KANSL3: variants seen among roughly 807,000 people sequenced by gnomAD.
KANSL3 encodes the protein NSL complex protein NSL3.
In KANSL3, 16 loss-of-function variants were observed where a neutral mutation model predicts 89.2. The observed-to-expected ratio is 0.18, with a 90% CI of 0.12 to 0.27. The LOEUF is 0.27. Among genes scored for constraint, KANSL3 ranks in the 10% least tolerant of loss-of-function variants. The probability of loss-of-function intolerance (pLI) is 1.00; values close to 1 mark genes in which losing one functional copy is unlikely to be tolerated. For synonymous variants in KANSL3, 385 were observed against 419.7 expected (o/e 0.92, Z 1.01); for missense variants, 879 against 1,110.6 (o/e 0.79, Z 2.96).
intron 3 of KANSL3, among the ~76,000 whole-genome samples, chr2:96,622,934 T>C (rs1015968274): frequency 6.6e-6 from 1 of 152,202 alleles, no homozygotes; most frequent in Non-Finnish European, 1.5e-5. Context: ...CTCTGACCTA[T>C]CCCTATTTAA....
chr2:96,600,869 T>C (rs573841864), intron 20 of KANSL3: 128 of 985,286 alleles, frequency 1.3e-4, no homozygotes, highest in Non-Finnish European at 1.5e-4. Flanking sequence ...GGCACAGTGC[T>C]AGAAAGCCAA....
chr2:96,595,675 G>A (rs1327389460), intron 20 of KANSL3, 44 bp from the exon 21 acceptor site: 1 of 1,609,586 alleles, frequency 6.2e-7, no homozygotes, highest in South Asian at 1.1e-5. Flanking sequence ...GCTTTGACAG[G>A]TTATCATCAT....
At chr2:96,623,943 A>G (rs1243602741) in intron 3 of KANSL3, among the ~76,000 whole-genome samples, 1 of 152,210 alleles carries the variant, frequency 6.6e-6, no homozygotes, top group Non-Finnish European at 1.5e-5. Flanking sequence ...AAAGCCACCC[A>G]TCCTTTTGTA....
At chr2:96,612,797 T>C in intron 7 of KANSL3, 21 bp downstream of exon 7, 1 of 1,519,438 alleles carries the variant, frequency 6.6e-7, no homozygotes, top group Non-Finnish European at 9.0e-7. Context: ...AGGAAGGAGT[T>C]CCTCTTGCCC....
chr2:96,587,092 G>A, the KANSL3 span, among the ~76,000 whole-genome samples: 1 of 152,130 alleles, frequency 6.6e-6, no homozygotes, highest in Non-Finnish European at 1.5e-5. Context: ...TTTGTGAGGT[G>A]GCTGTCTCCT....
chr2:96,602,875 A>C lies in KANSL3; in HGVS notation c.2150-13T>G. 6.2e-7 allele frequency: 1 copy of C among 1,612,392 alleles called. No individual in the cohort carries two copies. Among genetic ancestry groups the C allele is most frequent in the Non-Finnish European group, 8.5e-7 (1 of 1,178,580 alleles). ...GCTGATGTGGCCCCTAAGAGAGGAC[A>C]TAGCAGGAATCAGTAGAGACTCAAT... is the stretch of plus-strand genomic sequence containing the variant. On this transcript the variant is annotated splice_polypyrimidine_tract_variant and intron_variant, in intron 17 of 20. Coordinates refer to ENST00000431828, the MANE Select transcript of KANSL3 (RefSeq NM_001115016.3).
chr2:96,605,369 C>G lies in KANSL3; in HGVS notation c.1884G>C (p.Gly628=), dbSNP rs930886123. 1.2e-6 allele frequency: 2 copies of G among 1,613,638 alleles called. No individual in the cohort carries two copies. Among genetic ancestry groups the G allele is most frequent in the Non-Finnish European group, 1.7e-6 (2 of 1,179,868 alleles). ...GAGCACAAGGCCCTCCAGCTGTGTC[C>G]CCTTGGGAGATAAGGGACACCTTGA... ...PKIKVSLISQ[G]DTAGGPCAPS... is the part of the protein sequence containing the mutation. The change falls in exon 15 of 21, where the codon GGG becomes GGC. Residue 628 remains glycine (G), a synonymous_variant. Transcript: ENST00000431828.
rs764997673 is a variant in KANSL3 at position 96,608,923 on chromosome 2, G to C, written c.1525C>G (p.Arg509Gly). The change falls in exon 13 of 21, where the codon CGG becomes GGG. Residue 509 changes from arginine to glycine, a missense_variant. Arg to Gly is a moderately radical substitution (Grantham distance 125). Around this residue, in one of 6 missense-constraint regions of KANSL3, gnomAD observed 317 missense variants for 311.2 expected, o/e 1.02. Coordinates refer to ENST00000431828, the MANE Select transcript of KANSL3 (RefSeq NM_001115016.3). ...RRDLAFEVPE[R>G]GSRPASPAAK... ...GCTGGGGAGGCAGGTCGACTGCCCC[G>C]CTCAGGGACTTCAAAGGCCAAGTCT... is the stretch of plus-strand genomic sequence containing the variant. 1.3e-6 allele frequency: 2 copies of C among 1,570,518 alleles called. No homozygotes were observed. Among genetic ancestry groups the C allele is most frequent in the Non-Finnish European group, 1.7e-6 (2 of 1,157,778 alleles).
chr2:96,636,647 T>C (rs2074284444), intron 2 of KANSL3: 1 of 375,018 alleles, frequency 2.7e-6, no homozygotes, highest in South Asian at 7.3e-5. Context: ...AATAACCCTC[T>C]ACGATTTTCC....
chr2:96,633,465 A>C (rs749518318), intron 2 of KANSL3, among the ~76,000 whole-genome samples: 40 of 151,468 alleles, frequency 2.6e-4, no homozygotes, highest in Non-Finnish European at 5.6e-4. Flanking sequence ...GCTACTCAGG[A>C]GGCTGAGGCA....
At chr2:96,605,879 A>G (rs1028843570) in intron 14 of KANSL3, 1 of 166,740 alleles carries the variant, frequency 6.0e-6, no homozygotes, top group African/African-American at 2.4e-5. Flanking sequence ...AGAATGAGTA[A>G]ACAGTCCTTC....
intron 3 of KANSL3, among the ~76,000 whole-genome samples, chr2:96,621,312 A>G (rs1027635057): frequency 6.6e-6 from 1 of 152,146 alleles, no homozygotes; most frequent in African/African-American, 2.4e-5. Flanking sequence ...TCAGGAGTTC[A>G]AGACCAGCCT....
At chr2:96,608,725 G>A in intron 13 of KANSL3, 61 bp from the exon 14 acceptor site, 24 of 1,602,250 alleles carry the variant, frequency 1.5e-5, no homozygotes, top group Non-Finnish European at 2.0e-5. Flanking sequence ...CCATGAGTCA[G>A]CATGTCCCTC....
Position 96,612,535 on chromosome 2 carries a change from T to C in KANSL3, c.941A>G (p.Asn314Ser), listed in dbSNP as rs745607118. 1 of 1,613,986 alleles carries C rather than the reference T, an allele frequency of 6.2e-7. No homozygotes were observed. Among genetic ancestry groups the C allele is most frequent in the Admixed American group, 1.7e-5 (1 of 60,016 alleles). ...KVIPVATHLL[N>S]NGSGVGVLQC... ...TAGAACTCCTACCCCACTGCCATTGTTCAGCAGATGGGTGGCTACAGGGAT... is the reference window on the plus strand; with the variant it reads ...TAGAACTCCTACCCCACTGCCATTGCTCAGCAGATGGGTGGCTACAGGGAT... Residue 314 changes from asparagine (N) to serine (S), a missense_variant, in exon 8 of 21, where the codon AAC becomes AGC. By Grantham distance (46) the Asn-to-Ser change is conservative. This residue lies in a region of KANSL3 where 198 missense variants were observed against 260.3 expected (regional missense o/e 0.76). Coordinates refer to ENST00000431828, the MANE Select transcript of KANSL3 (RefSeq NM_001115016.3).
At chr2:96,629,413 C>A (rs184498802) in intron 3 of KANSL3, among the ~76,000 whole-genome samples, 2 of 152,296 alleles carry the variant, frequency 1.3e-5, no homozygotes, top group African/African-American at 4.8e-5. Context: ...ACCTCCGCCT[C>A]CCAGGTTCAA....
chr2:96,597,098 T>G (rs976006721), intron 20 of KANSL3, among the ~76,000 whole-genome samples: 5 of 152,222 alleles, frequency 3.3e-5, no homozygotes, highest in Admixed American at 1.3e-4. Context: ...CTTTTTAAAT[T>G]CATTCCATCC....
intron 3 of KANSL3, among the ~76,000 whole-genome samples, chr2:96,622,196 G>A (rs1466422614): frequency 6.6e-6 from 1 of 152,186 alleles, no homozygotes. Context: ...GGCTGAGGCA[G>A]GAGGACAGCT....
intron 3 of KANSL3, among the ~76,000 whole-genome samples, chr2:96,626,745 T>G (rs938668595): frequency 6.6e-6 from 1 of 152,226 alleles, no homozygotes; most frequent in African/African-American, 2.4e-5. Context: ...TACATCACTA[T>G]GCCAGCAAAT....
intron 2 of KANSL3, among the ~76,000 whole-genome samples, chr2:96,636,393 A>G (rs1463715835): frequency 6.6e-6 from 1 of 152,234 alleles, no homozygotes; most frequent in Non-Finnish European, 1.5e-5. Flanking sequence ...ATCATTAGAC[A>G]TAAGAAGGGT....
Sources: allele counts gnomAD v4.1 joint callset (sites outside exome capture counted in the v4.1 genomes callset), GRCh38; gene constraint gnomAD v4.1.1; regional missense constraint gnomAD v4.1.1; transcripts MANE v1.5; gene names NCBI Gene and HGNC (gene_info 2026-07-23, HGNC 2026-07-21).